ABCA12: variants seen among roughly 807,000 people sequenced by gnomAD.
The protein encoded by ABCA12 is ATP binding cassette subfamily A member 12, also known as glucosylceramide transporter ABCA12.
A neutral mutation model predicts 293.5 loss-of-function variants in ABCA12; 156 were observed. That is an observed-to-expected ratio of 0.53 (90% confidence interval 0.47 to 0.61). The LOEUF is 0.61. Ranked by LOEUF, ABCA12 falls within the 20% of genes least tolerant of loss-of-function variation. The pLI, the probability that ABCA12 is intolerant of heterozygous loss-of-function variation, is 0.00. For missense variants in ABCA12, 2,797 were observed against 3,090.2 expected (o/e 0.91, Z 2.25); for synonymous variants, 1,063 against 1,108.0 (o/e 0.96, Z 0.81).
At chr2:215,001,052 G>A in intron 21 of ABCA12, 32 bp from the exon 22 acceptor site, 2 of 1,604,222 alleles carry the variant, frequency 1.2e-6, no homozygotes, top group South Asian at 1.1e-5. Flanking sequence ...CAGCAGAAAG[G>A]TTATTTTATG....
intron 2 of ABCA12, among the ~76,000 whole-genome samples, chr2:215,094,387 A>G (rs1702208156): frequency 1.3e-5 from 2 of 152,090 alleles, no homozygotes; most frequent in Non-Finnish European, 2.9e-5. Flanking sequence ...TCTGTCCCTC[A>G]TGGCCAGTTT....
intron 18 of ABCA12, 52 bp from the exon 19 acceptor site, chr2:215,007,898 T>G: frequency 6.2e-7 from 1 of 1,608,012 alleles, no homozygotes. Context: ...TTTGTCTATA[T>G]TTTAACAAGG....
intron 9 of ABCA12, among the ~76,000 whole-genome samples, chr2:215,031,575 T>A (rs1390755094): frequency 6.6e-6 from 1 of 152,182 alleles, no homozygotes; most frequent in Non-Finnish European, 1.5e-5. Flanking sequence ...ACACATTAGA[T>A]CTAGTTATGC....
Position 215,019,771 on chromosome 2 carries a change from T to C in ABCA12, c.1313A>G (p.Glu438Gly). ...GAAAGTTTCAGATTCACAAAGAAGT[T>C]CGGTCAAGTTTCGAAGTTGAGACAG... ...SKLSQLRNLT[E>G]LLCESETFSL... The change falls in exon 12 of 53, where the codon GAA (glutamate) becomes GGA (glycine). Residue 438 changes from glutamate to glycine, a missense_variant. Transcript: ENST00000272895. 1 of 1,613,306 alleles carries C rather than the reference T, an allele frequency of 6.2e-7. No homozygotes were observed. The highest frequency in any genetic ancestry group is 2.2e-5 in the East Asian group (1 of 44,886).
At chr2:215,102,056 T>C (rs1443045811) in intron 2 of ABCA12, among the ~76,000 whole-genome samples, 1 of 152,146 alleles carries the variant, frequency 6.6e-6, no homozygotes, top group Middle Eastern at 3.2e-3. Context: ...TGCCTATGTA[T>C]GTGTGTTTGT....
intron 2 of ABCA12, among the ~76,000 whole-genome samples, chr2:215,064,703 A>G (rs762631184): frequency 7.9e-3 from 274 of 34,720 alleles, no homozygotes; most frequent in African/African-American, 0.023. Context: ...GCACACACAC[A>G]CACACACACA....
chr2:215,054,729 T>C (rs1460932223), intron 3 of ABCA12, 65 bp from the exon 4 acceptor site: 1 of 1,251,168 alleles, frequency 8.0e-7, no homozygotes, highest in Non-Finnish European at 1.2e-6. Flanking sequence ...AGCAATGTAT[T>C]ATGTGGCAGA....
Position 214,990,983 on chromosome 2 carries a change from G to A in ABCA12, c.3343C>T (p.Leu1115Phe). 1.2e-6 allele frequency: 2 copies of A among 1,613,968 alleles called. No homozygotes were observed. The highest frequency in any genetic ancestry group is 2.2e-5 in the South Asian group (2 of 91,058). The stretch of plus-strand genomic sequence containing the variant: ...AGTAAAAATCCAACACTCTCTATAA[G>A]CCAGGCAAAGAAATGGCTGCAGGAG... The part of the protein sequence containing the change: ...VNSCSHFFAW[L>F]IESVGFLLVT... The change falls in exon 24 of 53, where the codon CTT (leucine) becomes TTT (phenylalanine). Residue 1115 changes from leucine (L) to phenylalanine (F), a missense_variant. Transcript: ENST00000272895.
In ABCA12 at chr2:215,103,263, C is replaced by CTTTT. The variant is rs1158377505; in HGVS notation, c.163+8333_163+8334insAAAA. 1.3e-3 allele frequency among the ~76,000 whole-genome samples: 107 copies of CTTTT among 81,344 alleles called. 5 individuals carry two copies. The highest frequency in any genetic ancestry group is 3.8e-3 in the African/African-American group (101 of 26,870). 53.4% of individuals were successfully genotyped at this position (81,344 alleles called of 152,430 possible). A position where few individuals can be genotyped will look rare whatever the true frequency, so the allele number is the denominator to read the frequency against. Reference sequence around the variant, plus strand: ...ACTTTAACAATGTCTCTTAAAATTTCTTTCTTTTTTTTTTTTTTTTTTTGA... The same window carrying CTTTT: ...ACTTTAACAATGTCTCTTAAAATTTCTTTTTTTCTTTTTTTTTTTTTTTTTTTGA... On this transcript the variant is annotated intron_variant, in intron 2 of 52. Coordinates refer to ENST00000272895, the MANE Select transcript of ABCA12 (RefSeq NM_173076.3).
At chr2:215,109,745 T>C (rs1041622899) in intron 2 of ABCA12, among the ~76,000 whole-genome samples, 1 of 152,188 alleles carries the variant, frequency 6.6e-6, no homozygotes, top group Non-Finnish European at 1.5e-5. Context: ...GAATCTCTAA[T>C]GCTATCAGGT....
chr2:215,010,328 A>T lies in ABCA12; in HGVS notation c.2472+3T>A, dbSNP rs751486293. ...AATAGAAACTGAGTTATAATGGTCAAACCTTTTCCATTATTGCCTTTGTGA... is the reference window on the plus strand; with the variant it reads ...AATAGAAACTGAGTTATAATGGTCATACCTTTTCCATTATTGCCTTTGTGA... On this transcript the variant is annotated splice_donor_region_variant and intron_variant, in intron 18 of 52. Transcript: ENST00000272895. 6.2e-6 allele frequency: 10 copies of T among 1,613,648 alleles called. No homozygotes were observed. In the East Asian group the frequency reaches 8.9e-5, roughly 14 times the overall value.
In ABCA12 at chr2:214,932,576, G is replaced by C. The variant is rs543926668; in HGVS notation, c.*58C>G. On this transcript the variant is annotated 3_prime_UTR_variant, in exon 53 of 53. Coordinates refer to ENST00000272895, the MANE Select transcript of ABCA12 (RefSeq NM_173076.3). ...TATCTTGCGGAAGTGTATCTTCTGTGGCTTTTCTTCAAAATGAAGCCATTG... is the reference window on the plus strand; with the variant it reads ...TATCTTGCGGAAGTGTATCTTCTGTCGCTTTTCTTCAAAATGAAGCCATTG... 4.7e-6 allele frequency: 6 copies of C among 1,263,250 alleles called. No homozygotes were observed. The highest frequency in any genetic ancestry group is 3.5e-6 in the Non-Finnish European group (3 of 864,302). 78.3% of individuals were successfully genotyped at this position (1,263,250 alleles called of 1,614,324 possible). A position where few individuals can be genotyped will look rare whatever the true frequency, so the allele number is the denominator to read the frequency against.
chr2:215,054,957 T>G (rs1015644298), intron 3 of ABCA12, among the ~76,000 whole-genome samples: 1 of 152,148 alleles, frequency 6.6e-6, no homozygotes, highest in Non-Finnish European at 1.5e-5. Context: ...ACTTAAAATA[T>G]GTATGATATA....
At chr2:215,041,078 C>CA (rs1206736040) in intron 7 of ABCA12, among the ~76,000 whole-genome samples, 1 of 151,516 alleles carries the variant, frequency 6.6e-6, no homozygotes, top group Admixed American at 6.6e-5. Context: ...GTTCTCACCA[C>CA]AAAAAAATAA....
intron 30 of ABCA12, among the ~76,000 whole-genome samples, chr2:214,981,971 TATTA>T (rs1559128730): frequency 3.7e-5 from 5 of 134,614 alleles, no homozygotes; most frequent in South Asian, 4.9e-4. Context: ...TTATTATTAT[TATTA>T]TTATTATTAT....
At chr2:215,036,604 A>G (rs562643981) in intron 8 of ABCA12, among the ~76,000 whole-genome samples, 50 of 152,338 alleles carry the variant, frequency 3.3e-4, no homozygotes, top group Middle Eastern at 6.8e-3. Flanking sequence ...GAATTTTAAA[A>G]TACTGCAATT....
intron 52 of ABCA12, 36 bp from the exon 53 acceptor site, chr2:214,932,777 G>T: frequency 6.8e-7 from 1 of 1,472,092 alleles, no homozygotes; most frequent in South Asian, 1.1e-5. Context: ...ATTAATGCCT[G>T]GTAAGCCAAA....
intron 30 of ABCA12, among the ~76,000 whole-genome samples, chr2:214,981,048 T>C (rs1002587500): frequency 1.4e-5 from 2 of 144,940 alleles, no homozygotes; most frequent in Non-Finnish European, 1.5e-5. Context: ...TTTATGCCAC[T>C]GCACTCCAGC....
At chr2:215,087,686 GA>G (rs2106102602) in intron 2 of ABCA12, among the ~76,000 whole-genome samples, 1 of 152,318 alleles carries the variant, frequency 6.6e-6, no homozygotes, top group South Asian at 2.1e-4. Context: ...GCAGACAGTA[GA>G]GTGAGCAAGT....
Sources: allele counts gnomAD v4.1 joint callset (sites outside exome capture counted in the v4.1 genomes callset), GRCh38; gene constraint gnomAD v4.1.1; transcripts MANE v1.5; gene names NCBI Gene and HGNC (gene_info 2026-07-23, HGNC 2026-07-21).